GATA6: variants seen among roughly 807,000 people sequenced by gnomAD.
The protein encoded by GATA6 is transcription factor GATA-6.
GATA6 carries 11 observed loss-of-function variants against 48.1 expected under a neutral mutation model. That is an observed-to-expected ratio of 0.23 (90% CI 0.14 to 0.38). GATA6 has a LOEUF of 0.38. Ranked by LOEUF, GATA6 falls within the 10% of genes least tolerant of loss-of-function variation. GATA6 has a pLI of 1.00. For missense variants in GATA6, 795 were observed against 850.3 expected, an observed-to-expected ratio of 0.93 and a Z score of 0.81; for synonymous variants, 419 against 396.1, an observed-to-expected ratio of 1.06 and a Z score of -0.69.
At chr18:22,191,682 C>T (rs534113236) in intron 6 of GATA6, among the ~76,000 whole-genome samples, 6 of 152,192 alleles carry the variant, frequency 3.9e-5, no homozygotes, top group East Asian at 1.9e-4. Context: ...AAAGCATCTC[C>T]ATAGACAGGT....
intron 6 of GATA6, among the ~76,000 whole-genome samples, chr18:22,186,563 AG>A (rs777880046): frequency 6.6e-6 from 1 of 152,180 alleles, no homozygotes; most frequent in Non-Finnish European, 1.5e-5. Flanking sequence ...CCAGGACCTT[AG>A]CATGACACAG....
At position 22,173,294 on chromosome 18, in the gene GATA6, T is replaced by C. The variant is rs2033079659; in HGVS notation, c.1135+1015T>C. The stretch of plus-strand genomic sequence containing the variant: ...CTTATCTTACCTTATATTTCACCTG[T>C]TTGATAATCTTTCTAAGGAAACAAC... On this transcript the variant is annotated intron_variant, in intron 2 of 6. Coordinates refer to ENST00000269216, the MANE Select transcript of GATA6 (RefSeq NM_005257.6). Among the ~76,000 whole-genome samples, 4 of 152,358 alleles carry C rather than the reference T, an allele frequency of 2.6e-5. No individual in the cohort carries two copies. The South Asian group carries it at 8.3e-4, about 32-fold the overall frequency.
Position 22,172,089 on chromosome 18 carries a change from C to T in GATA6, c.945C>T (p.Ala315=), listed in dbSNP as rs1002187848. The T allele has an allele frequency of 1.4e-6, 2 of 1,465,808 alleles. No individual in the cohort carries two copies. The highest frequency in any genetic ancestry group is 1.4e-5 in the African/African-American group (1 of 69,338). 90.8% of individuals were successfully genotyped at this position (1,465,808 alleles called of 1,614,324 possible). ...AGCCCCAGTACAGCTCGCTGTCGGC[C>T]GCGCGGCCGCTGAACGGGACGTACC... The part of the protein sequence containing the change: ...GREPQYSSLS[A]ARPLNGTYHH... The change falls in exon 2 of 7, where the codon GCC becomes GCT. Residue 315 remains alanine, a synonymous_variant. Coordinates refer to ENST00000269216, the MANE Select transcript of GATA6 (RefSeq NM_005257.6). This position sits in a 1 kb window ranked among gnomAD's most constrained non-coding sequence, Gnocchi z 5.2.
chr18:22,180,153 G>A (rs1033227491), intron 3 of GATA6: 4 of 151,502 alleles, frequency 2.6e-5, no homozygotes, highest in African/African-American at 9.7e-5. Flanking sequence ...TCATTCTTGC[G>A]CTGGGGCCAT....
chr18:22,170,417 C>T lies in GATA6; in HGVS notation c.-37-691C>T, dbSNP rs1044562939. On this transcript the variant is annotated intron_variant, in intron 1 of 6. Transcript: ENST00000269216. The surrounding 1 kb of genome is among the most constrained non-coding windows in gnomAD (Gnocchi z 6.7). ...CGATTCCCGCCCCACAAGCTCTCCG[C>T]ATTGCCTCTGCTGGGAAGGACCCAG... Among the ~76,000 whole-genome samples, 1 of 152,226 alleles carries T rather than the reference C, an allele frequency of 6.6e-6. No homozygotes were observed. The highest frequency in any genetic ancestry group is 1.5e-5 in the Non-Finnish European group (1 of 68,040).
At position 22,185,770 on chromosome 18, in the gene GATA6, G is replaced by A. The variant is rs2033255701; in HGVS notation, c.1620+2727G>A. 1.3e-5 allele frequency among the ~76,000 whole-genome samples: 2 copies of A among 152,148 alleles called. No homozygotes were observed. The highest frequency in any genetic ancestry group is 4.1e-4 in the South Asian group (2 of 4,828). Reference sequence around the variant, plus strand: ...AGTGGTGTCCCCAGGTTGTTTTCATGGCGTGCCTGCGTATAACTGTGGATC... The same window carrying A: ...AGTGGTGTCCCCAGGTTGTTTTCATAGCGTGCCTGCGTATAACTGTGGATC... On this transcript the variant is annotated intron_variant, in intron 6 of 6. Transcript: ENST00000269216. The surrounding 1 kb of genome is among the most constrained non-coding windows in gnomAD (Gnocchi z 4.3).
At position 22,185,800 on chromosome 18, in the gene GATA6, C is replaced by T. The variant is rs927496260; in HGVS notation, c.1620+2757C>T. 5.9e-5 allele frequency among the ~76,000 whole-genome samples: 9 copies of T among 152,154 alleles called. No homozygotes were observed. The highest frequency in any genetic ancestry group is 1.3e-4 in the Non-Finnish European group (9 of 68,034). On this transcript the variant is annotated intron_variant, in intron 6 of 6. Coordinates refer to ENST00000269216, the MANE Select transcript of GATA6 (RefSeq NM_005257.6). The surrounding 1 kb of genome is among the most constrained non-coding windows in gnomAD (Gnocchi z 4.3). ...GCCTGCGTATAACTGTGGATCCCTT[C>T]GCACTTTTTGATGTCCTCTCTGGGT...
chr18:22,198,383 T>C (rs1213696121), intron 6 of GATA6, among the ~76,000 whole-genome samples: 1 of 152,232 alleles, frequency 6.6e-6, no homozygotes, highest in East Asian at 1.9e-4. Flanking sequence ...CTTATGCTTC[T>C]TGTTGCTGGC....
chr18:22,177,628 C>T (rs2033140177), intron 3 of GATA6, among the ~76,000 whole-genome samples: 1 of 152,092 alleles, frequency 6.6e-6, no homozygotes, highest in African/African-American at 2.4e-5. Flanking sequence ...AGATTTTATG[C>T]TTGAAAAACC....
At position 22,185,211 on chromosome 18, in the gene GATA6, C is replaced by T. The variant is rs966517956; in HGVS notation, c.1620+2168C>T. 2.6e-5 allele frequency among the ~76,000 whole-genome samples: 4 copies of T among 152,188 alleles called. No homozygotes were observed. The highest frequency in any genetic ancestry group is 5.9e-5 in the Non-Finnish European group (4 of 68,044). On this transcript the variant is annotated intron_variant, in intron 6 of 6. Coordinates refer to ENST00000269216, the MANE Select transcript of GATA6 (RefSeq NM_005257.6). This position sits in a 1 kb window ranked among gnomAD's most constrained non-coding sequence, Gnocchi z 4.3. The stretch of plus-strand genomic sequence containing the variant: ...CCATCTCTGGTCCTAGGCTTATTGT[C>T]CCAGGAACTCTCACCAGGGACAGAG...
intron 6 of GATA6, among the ~76,000 whole-genome samples, chr18:22,194,262 C>T (rs1275224076): frequency 2.0e-5 from 3 of 152,208 alleles, no homozygotes; most frequent in Non-Finnish European, 2.9e-5. Flanking sequence ...CAGTGCTAAG[C>T]CCAGGCTGGG....
rs988971719 is a variant in GATA6 at position 22,171,007 on chromosome 18, A to G, written c.-37-101A>G. 2 of 725,494 alleles carry G rather than the reference A, an allele frequency of 2.8e-6. No homozygotes were observed. The highest frequency in any genetic ancestry group is 3.5e-5 in the African/African-American group (2 of 57,312). The allele number at this position is 725,494 out of a possible 1,614,324, so 44.9% of individuals were successfully genotyped here. On this transcript the variant is annotated intron_variant, in intron 1 of 6. Coordinates refer to ENST00000269216, the MANE Select transcript of GATA6 (RefSeq NM_005257.6). The surrounding 1 kb of genome is among the most constrained non-coding windows in gnomAD (Gnocchi z 7.1). Reference sequence around the variant, plus strand: ...TGGGATCTTTGAGAAGTCAGATCCCATTTGAACTAGAAAAAGGAGTGGAGG... The same window carrying G: ...TGGGATCTTTGAGAAGTCAGATCCCGTTTGAACTAGAAAAAGGAGTGGAGG...
chr18:22,199,079 G>C (rs2033424958), intron 6 of GATA6, among the ~76,000 whole-genome samples: 1 of 152,168 alleles, frequency 6.6e-6, no homozygotes, highest in African/African-American at 2.4e-5. Flanking sequence ...CTTAGACTCA[G>C]AGGGCTTGCT....
intron 6 of GATA6, among the ~76,000 whole-genome samples, chr18:22,200,171 G>A (rs2033439606): frequency 7.3e-6 from 1 of 136,876 alleles, no homozygotes; most frequent in African/African-American, 2.9e-5. Context: ...GATAAGCCTT[G>A]TTAGAGTGTG....
chr18:22,191,045 G>A (rs1855799184), intron 6 of GATA6, among the ~76,000 whole-genome samples: 1 of 124,616 alleles, frequency 8.0e-6, no homozygotes, highest in African/African-American at 4.9e-5. Context: ...GTGTGTGTGT[G>A]TGTGTGTGTG....
chr18:22,196,403 A>G (rs947121439), intron 6 of GATA6, among the ~76,000 whole-genome samples: 2 of 152,208 alleles, frequency 1.3e-5, no homozygotes, highest in Non-Finnish European at 2.9e-5. Context: ...TGTAAGAATA[A>G]CATTCAGGGT....
chr18:22,176,722 AG>A (rs1228443624), intron 2 of GATA6: 1 of 490,226 alleles, frequency 2.0e-6, no homozygotes, highest in Non-Finnish European at 3.6e-6. Context: ...TCTTTCCCGG[AG>A]TCTCTACTGG....
intron 6 of GATA6, among the ~76,000 whole-genome samples, chr18:22,187,343 G>A (rs1403611619): frequency 6.6e-6 from 1 of 152,028 alleles, no homozygotes; most frequent in Non-Finnish European, 1.5e-5. Flanking sequence ...AGCCAGGCAC[G>A]GTGGCGCATG....
At position 22,177,130 on chromosome 18, in the gene GATA6, G is replaced by C; in HGVS notation, c.1302+9G>C. 6.5e-7 allele frequency: 1 copy of C among 1,544,090 alleles called. No homozygotes were observed. Among genetic ancestry groups the C allele is most frequent in the Non-Finnish European group, 8.7e-7 (1 of 1,145,350 alleles). On this transcript the variant is annotated intron_variant, in intron 3 of 6. Coordinates refer to ENST00000269216, the MANE Select transcript of GATA6 (RefSeq NM_005257.6). ...AGCCGCAGAAGCGCGTGGTGAGTGT[G>C]ACCCGCCCTGCCCCTGGCTCGCGGC...
Sources: gnomAD v4.1 joint callset for allele counts (sites outside exome capture counted in the v4.1 genomes callset) on GRCh38, gnomAD v4.1.1 for gene constraint, Gnocchi (gnomAD v3.1) non-coding constraint, MANE v1.5 for transcripts, NCBI Gene and HGNC (gene_info 2026-07-23, HGNC 2026-07-21) for gene names.